CLIP4: variants seen among roughly 807,000 people sequenced by gnomAD.
The protein encoded by CLIP4 is CAP-Gly domain-containing linker protein 4.
A neutral mutation model predicts 73.1 loss-of-function variants in CLIP4; 47 were observed. The observed-to-expected ratio is 0.64, with a 90% confidence interval of 0.51 to 0.82. The LOEUF (loss-of-function observed/expected upper bound fraction) is 0.82. Among genes scored for constraint, CLIP4 ranks in the 40% least tolerant of loss-of-function variants. The pLI, the probability that CLIP4 is intolerant of heterozygous loss-of-function variation, is 0.00. For synonymous variants in CLIP4, 306 were observed against 295.4 expected (o/e 1.04, Z -0.37); for missense variants, 874 against 852.9 (o/e 1.02, Z -0.31).
intron 4 of CLIP4, 24 bp downstream of exon 4, chr2:29,132,269 G>A (rs991063855): frequency 6.4e-7 from 1 of 1,560,166 alleles, no homozygotes; most frequent in Non-Finnish European, 8.8e-7. Flanking sequence ...AAATCTATCA[G>A]TTGCTTATGT....
At chr2:29,123,972 A>G (rs1664430944) in intron 2 of CLIP4, among the ~76,000 whole-genome samples, 1 of 152,232 alleles carries the variant, frequency 6.6e-6, no homozygotes, top group Non-Finnish European at 1.5e-5. Flanking sequence ...CACATTATAT[A>G]CATTATAAAT....
intron 8 of CLIP4, among the ~76,000 whole-genome samples, chr2:29,150,643 C>CTTTTTTTTT (rs34553625): frequency 1.2e-5 from 1 of 80,234 alleles, no homozygotes; most frequent in Non-Finnish European, 2.4e-5. Context: ...TTGATTTGCT[C>CTTTTTTTTT]TTTTTTTTTT....
chr2:29,129,928 C>A, intron 2 of CLIP4: 1 of 455,808 alleles, frequency 2.2e-6, no homozygotes. Flanking sequence ...CCCATCTTTG[C>A]ATTAGATTCT....
At chr2:29,164,006 T>C in intron 13 of CLIP4, 52 bp downstream of exon 13, 1 of 1,460,402 alleles carries the variant, frequency 6.8e-7, no homozygotes, top group Non-Finnish European at 9.5e-7. Context: ...TAATCTGCAG[T>C]GGTTAATAGA....
At chr2:29,180,928 C>T (rs946364376) in intron 15 of CLIP4, among the ~76,000 whole-genome samples, 10 of 151,724 alleles carry the variant, frequency 6.6e-5, no homozygotes, top group African/African-American at 9.7e-5. Context: ...CTTAAAATAG[C>T]GCAAAAGACA....
chr2:29,131,174 G>A, intron 2 of CLIP4, 84 bp from the exon 3 acceptor site: 2 of 1,159,786 alleles, frequency 1.7e-6, no homozygotes, highest in Admixed American at 2.7e-5. Context: ...TGTATCATTT[G>A]AACCTTGGTT....
At position 29,133,781 on chromosome 2, in the gene CLIP4, TTATAAGAGTGA is replaced by T. The variant is rs1665148752; in HGVS notation, c.496_506del (p.Ile166PhefsTer15). On this transcript the variant is annotated frameshift_variant, in exon 5 of 16. Coordinates refer to ENST00000320081, the MANE Select transcript of CLIP4 (RefSeq NM_024692.6). LOFTEE classifies it high-confidence loss of function. Reference sequence around the variant, plus strand: ...GCTGCTTATTTTGATGTCCCTGAACTTATAAGAGTGATTTTGAAAACATCGAAACCAAAAGG... The same window carrying T: ...GCTGCTTATTTTGATGTCCCTGAACTTTTTGAAAACATCGAAACCAAAAGG... 2 of 1,607,556 alleles carry T rather than the reference TTATAAGAGTGA, an allele frequency of 1.2e-6. No homozygotes were observed. Among genetic ancestry groups the T allele is most frequent in the Non-Finnish European group, 8.5e-7 (1 of 1,178,278 alleles).
At chr2:29,166,427 C>G (rs762718465) in intron 13 of CLIP4, among the ~76,000 whole-genome samples, 1 of 151,842 alleles carries the variant, frequency 6.6e-6, no homozygotes, top group African/African-American at 2.4e-5. Context: ...GCCTAACTTT[C>G]ACTTATTTAA....
At chr2:29,166,430 T>G (rs1279176582) in intron 13 of CLIP4, among the ~76,000 whole-genome samples, 2 of 151,928 alleles carry the variant, frequency 1.3e-5, no homozygotes, top group Non-Finnish European at 2.9e-5. Flanking sequence ...TAACTTTCAC[T>G]TATTTAATAC....
At chr2:29,157,054 A>C (rs754583621) in intron 10 of CLIP4, 150 bp from the exon 11 acceptor site, 2 of 652,470 alleles carry the variant, frequency 3.1e-6, no homozygotes, top group Non-Finnish European at 5.4e-6. Flanking sequence ...TACAATTGCT[A>C]TTTGGATGAA....
At chr2:29,159,277 C>G (rs1206258157) in intron 11 of CLIP4, among the ~76,000 whole-genome samples, 1 of 152,054 alleles carries the variant, frequency 6.6e-6, no homozygotes, top group Non-Finnish European at 1.5e-5. Context: ...ACCCTCCATC[C>G]CATGCCCTCC....
At chr2:29,105,406 G>T (rs995233100) in intron 1 of CLIP4, among the ~76,000 whole-genome samples, 22 of 152,180 alleles carry the variant, frequency 1.4e-4, no homozygotes, top group African/African-American at 5.3e-4. Flanking sequence ...TTCTTTAAGA[G>T]AATGTAAGAG....
intron 8 of CLIP4, among the ~76,000 whole-genome samples, chr2:29,150,837 C>G (rs1666515532): frequency 6.6e-6 from 1 of 151,898 alleles, no homozygotes; most frequent in Non-Finnish European, 1.5e-5. Flanking sequence ...CCAGGCTGGT[C>G]TTGAACTCCT....
intron 8 of CLIP4, among the ~76,000 whole-genome samples, chr2:29,146,847 G>A (rs147641367): frequency 1.9e-4 from 29 of 152,330 alleles, no homozygotes; most frequent in African/African-American, 7.0e-4. Flanking sequence ...GTTGGTAAAA[G>A]TATAAAGCAC....
upstream of CLIP4, among the ~76,000 whole-genome samples, chr2:29,112,589 T>A (rs1199950957): frequency 6.6e-6 from 1 of 152,266 alleles, no homozygotes; most frequent in Non-Finnish European, 1.5e-5. Flanking sequence ...AAACTGATCT[T>A]GTACTTGGCA....
chr2:29,168,216 T>C lies in CLIP4; in HGVS notation c.1723+676T>C, dbSNP rs547009139. 3.9e-5 allele frequency among the ~76,000 whole-genome samples: 6 copies of C among 152,318 alleles called. No homozygotes were observed. In the East Asian group the frequency reaches 5.8e-4, roughly 15 times the overall value. ...ATGGTTTTAATTTGCATTTTCTGGATTACAAATGAGGATGAACCTGTTTTC... is the reference window on the plus strand; with the variant it reads ...ATGGTTTTAATTTGCATTTTCTGGACTACAAATGAGGATGAACCTGTTTTC... On this transcript the variant is annotated intron_variant, in intron 14 of 15. Transcript: ENST00000320081.
chr2:29,155,167 G>A (rs183098054), intron 9 of CLIP4, among the ~76,000 whole-genome samples: 1 of 152,210 alleles, frequency 6.6e-6, no homozygotes, highest in Admixed American at 6.5e-5. Context: ...GCATTGTGGT[G>A]CACACCTGTA....
At chr2:29,176,046 C>A (rs1268764920) in intron 15 of CLIP4, among the ~76,000 whole-genome samples, 1 of 152,246 alleles carries the variant, frequency 6.6e-6, no homozygotes, top group Admixed American at 6.5e-5. Context: ...CAGGCGTGAG[C>A]CACCGCACCC....
intron 8 of CLIP4, among the ~76,000 whole-genome samples, chr2:29,148,683 A>T (rs1666339891): frequency 6.6e-6 from 1 of 152,118 alleles, no homozygotes; most frequent in Non-Finnish European, 1.5e-5. Context: ...ATTTACGTGA[A>T]TCTCTCTTGA....
Sources: gnomAD v4.1 joint callset for allele counts (sites outside exome capture counted in the v4.1 genomes callset) on GRCh38, gnomAD v4.1.1 for gene constraint, MANE v1.5 for transcripts, NCBI Gene and HGNC (gene_info 2026-07-23, HGNC 2026-07-21) for gene names.